The following PDZD2 variants were observed in gnomAD, a reference collection of about 807,000 sequenced individuals.
The protein encoded by PDZD2 is PDZ domain-containing protein 2.
PDZD2 carries 90 observed loss-of-function variants against 220.7 expected under a neutral mutation model. That is an observed-to-expected ratio of 0.41 (90% CI 0.34 to 0.49). The LOEUF is 0.49. Ranked by LOEUF, PDZD2 falls within the 20% of genes least tolerant of loss-of-function variation. PDZD2 has a pLI of 0.28. For missense variants in PDZD2, 3,174 were observed against 3,608.5 expected (o/e 0.88, Z 3.08); for synonymous variants, 1,375 against 1,450.5 (o/e 0.95, Z 1.18).
chr5:32,035,782 A>T (rs904720805), intron 6 of PDZD2, among the ~76,000 whole-genome samples: 3 of 152,226 alleles, frequency 2.0e-5, no homozygotes, highest in Non-Finnish European at 1.5e-5. Context: ...AAAGCACTTT[A>T]AGTAGGACCA....
At chr5:31,929,863 A>G (rs1057392935) in intron 2 of PDZD2, among the ~76,000 whole-genome samples, 1 of 152,180 alleles carries the variant, frequency 6.6e-6, no homozygotes, top group Non-Finnish European at 1.5e-5. Flanking sequence ...GGGATTTCCA[A>G]CGCTGGGGGC....
chr5:31,828,780 C>G (rs1756381523), intron 2 of PDZD2, among the ~76,000 whole-genome samples: 1 of 152,252 alleles, frequency 6.6e-6, no homozygotes, highest in Non-Finnish European at 1.5e-5. Flanking sequence ...GGATTATAAG[C>G]ATGAGCCACC....
At chr5:31,730,221 G>C (rs993442891) in intron 1 of PDZD2, among the ~76,000 whole-genome samples, 1 of 152,090 alleles carries the variant, frequency 6.6e-6, no homozygotes, top group Non-Finnish European at 1.5e-5. Flanking sequence ...AAAACTCTTC[G>C]TGCTTCTTAA....
intron 2 of PDZD2, among the ~76,000 whole-genome samples, chr5:31,813,133 T>C (rs35092754): frequency 0.5 from 75,487 of 152,020 alleles, 20,629 homozygotes; most frequent in African/African-American, 0.7. Flanking sequence ...ATCAGACCAT[T>C]ATAATTAGCA....
intron 1 of PDZD2, among the ~76,000 whole-genome samples, chr5:31,733,143 C>T (rs1039037030): frequency 6.6e-6 from 1 of 152,148 alleles, no homozygotes; most frequent in Admixed American, 6.5e-5. Context: ...CAGAACAGGC[C>T]AAACTTACCT....
At chr5:32,013,322 C>CT (rs11428109) in intron 6 of PDZD2, among the ~76,000 whole-genome samples, 45,246 of 135,766 alleles carry the variant, frequency 0.33, 8,542 homozygotes, top group African/African-American at 0.52. Context: ...TCTGTGTTAT[C>CT]TTTTTTTTTT....
intron 2 of PDZD2, among the ~76,000 whole-genome samples, chr5:31,821,226 T>C (rs184344061): frequency 1.2e-4 from 19 of 152,200 alleles, no homozygotes; most frequent in African/African-American, 4.3e-4. Flanking sequence ...ATTTTAGTGA[T>C]TACATTTTTA....
chr5:31,752,089 T>TTTTTTTTTTTTTTTG (rs1169621744), intron 1 of PDZD2, among the ~76,000 whole-genome samples: 17 of 141,180 alleles, frequency 1.2e-4, no homozygotes, highest in Admixed American at 3.6e-4. Flanking sequence ...TTTTTTTTTT[T>TTTTTTTTTTTTTTTG]TCTGAGACAA....
intron 3 of PDZD2, among the ~76,000 whole-genome samples, chr5:31,992,123 C>G (rs1751265015): frequency 6.6e-6 from 1 of 152,140 alleles, no homozygotes; most frequent in African/African-American, 2.4e-5. Flanking sequence ...GAACTCCCTT[C>G]ATTAGATGAT....
intron 1 of PDZD2, among the ~76,000 whole-genome samples, chr5:31,721,889 C>G (rs961787708): frequency 6.6e-6 from 1 of 152,134 alleles, no homozygotes; most frequent in Non-Finnish European, 1.5e-5. Context: ...CCCCCTAAAT[C>G]TGTTTCTCCT....
At chr5:31,723,604 T>TTTA (rs1042575840) in intron 1 of PDZD2, among the ~76,000 whole-genome samples, 6 of 151,964 alleles carry the variant, frequency 3.9e-5, no homozygotes, top group East Asian at 3.9e-4. Flanking sequence ...TGCCTCTTAT[T>TTTA]TTATTATTAT....
intron 1 of PDZD2, among the ~76,000 whole-genome samples, chr5:31,767,137 T>C (rs1032255815): frequency 6.6e-6 from 1 of 150,984 alleles, no homozygotes; most frequent in African/African-American, 2.4e-5. Flanking sequence ...GTTCAAGCGA[T>C]TCTCCTGCCG....
Position 31,887,273 on chromosome 5 carries a change from G to A in PDZD2, c.476+87549G>A, listed in dbSNP as rs117601970. ...CAAACACACATACACACACAAAATC[G>A]ATATGTAGTGTGAATGGAGAGGCAG... On this transcript the variant is annotated intron_variant, in intron 2 of 24. Transcript: ENST00000438447. Among the ~76,000 whole-genome samples, 107 of 152,198 alleles carry A rather than the reference G, an allele frequency of 7.0e-4. 3 individuals are homozygous for A. The East Asian group carries it at 0.015, about 21-fold the overall frequency.
At chr5:32,078,458 C>T (rs1348456542) in intron 19 of PDZD2, among the ~76,000 whole-genome samples, 2 of 151,564 alleles carry the variant, frequency 1.3e-5, no homozygotes, top group African/African-American at 4.9e-5. Context: ...GGTGAAACCC[C>T]ATCTCTACTA....
intron 21 of PDZD2, among the ~76,000 whole-genome samples, chr5:32,094,487 A>T (rs573898768): frequency 1.3e-5 from 2 of 152,324 alleles, no homozygotes; most frequent in East Asian, 3.9e-4. Context: ...TTTCTCAGCC[A>T]ACAGCCAGCC....
At chr5:32,104,722 A>T (rs1340904306) in intron 24 of PDZD2, among the ~76,000 whole-genome samples, 1 of 136,806 alleles carries the variant, frequency 7.3e-6, no homozygotes, top group African/African-American at 3.3e-5. Context: ...CATCTAAAAA[A>T]AAAAAAAAAA....
intron 5 of PDZD2, among the ~76,000 whole-genome samples, chr5:32,002,151 T>C (rs1221429426): frequency 6.6e-6 from 1 of 152,218 alleles, no homozygotes; most frequent in Non-Finnish European, 1.5e-5. Context: ...AAAAATCTGC[T>C]TTCCTTTCTT....
intron 7 of PDZD2, among the ~76,000 whole-genome samples, chr5:32,043,475 T>C (rs1737618131): frequency 6.6e-6 from 1 of 152,334 alleles, no homozygotes; most frequent in East Asian, 1.9e-4. Context: ...TGTTCTGTAT[T>C]TATTTTGCCA....
At chr5:32,054,806 C>T (rs981764605) in intron 10 of PDZD2, among the ~76,000 whole-genome samples, 1 of 152,082 alleles carries the variant, frequency 6.6e-6, no homozygotes. Context: ...AAAAGCAATT[C>T]CACATATTCA....
Sources: gnomAD v4.1 joint callset for allele counts (sites outside exome capture counted in the v4.1 genomes callset) on GRCh38, gnomAD v4.1.1 for gene constraint, MANE v1.5 for transcripts, NCBI Gene and HGNC (gene_info 2026-07-23, HGNC 2026-07-21) for gene names.